Variants in SHTN1 observed in about 807,000 individuals in gnomAD.
SHTN1 encodes the protein shootin 1.
In SHTN1, 42 loss-of-function variants were observed where a neutral mutation model predicts 83.1. The observed-to-expected ratio is 0.51, with a 90% CI of 0.39 to 0.65. SHTN1 has a LOEUF of 0.65. Among genes scored for constraint, SHTN1 ranks in the 30% least tolerant of loss-of-function variants. SHTN1 has a pLI of 0.00. For missense variants in SHTN1, 622 were observed against 737.8 expected (o/e 0.84, Z 1.82); for synonymous variants, 224 against 247.7 (o/e 0.90, Z 0.90).
chr10:116,908,659 A>G lies in SHTN1; in HGVS notation c.1360-1912T>C, dbSNP rs905675445. Among the ~76,000 whole-genome samples the G allele has an allele frequency of 6.6e-5, 10 of 152,354 alleles. No homozygotes were observed. In the East Asian group the frequency reaches 1.9e-3, roughly 29 times the overall value. On this transcript the variant is annotated intron_variant, in intron 14 of 16. Transcript: ENST00000355371. The stretch of plus-strand genomic sequence containing the variant: ...TAGTTTTTCTCAATGGCTTGATTTA[A>G]TTCAAGGAAAACTTATGTGTGTGTT...
At chr10:116,967,101 T>C (rs1274921967) in intron 3 of SHTN1, among the ~76,000 whole-genome samples, 1 of 152,210 alleles carries the variant, frequency 6.6e-6, no homozygotes, top group Non-Finnish European at 1.5e-5. Context: ...AAATCAACTC[T>C]TTATAAATAA....
intron 16 of SHTN1, chr10:116,900,798 A>T (rs1051896947): frequency 4.1e-6 from 4 of 985,422 alleles, no homozygotes; most frequent in African/African-American, 3.5e-5. Context: ...ATGTGCTTTT[A>T]AACACAGTGA....
intron 1 of SHTN1, among the ~76,000 whole-genome samples, chr10:116,995,847 A>C (rs563334560): frequency 1.3e-5 from 2 of 152,250 alleles, no homozygotes; most frequent in East Asian, 3.9e-4. Flanking sequence ...TTATAGGGTA[A>C]AGAATGTCAC....
intron 9 of SHTN1, among the ~76,000 whole-genome samples, chr10:116,931,320 C>CTCACTGCAAACTTCGCCTCCTGGGT (rs1848956691): frequency 1.3e-5 from 2 of 152,066 alleles, no homozygotes; most frequent in Non-Finnish European, 2.9e-5. Flanking sequence ...GCGATCTGGG[C>CTCACTGCAAACTTCGCCTCCTGGGT]TCACTGCAAA....
At chr10:116,956,200 C>T (rs1329887406) in intron 4 of SHTN1, among the ~76,000 whole-genome samples, 13 of 152,182 alleles carry the variant, frequency 8.5e-5, no homozygotes, top group Non-Finnish European at 1.6e-4. Context: ...AATGCTTAGG[C>T]GCTATGCCAT....
intron 1 of SHTN1, among the ~76,000 whole-genome samples, chr10:116,979,968 T>C (rs1589864231): frequency 1.3e-5 from 2 of 152,162 alleles, no homozygotes; most frequent in African/African-American, 4.8e-5. Flanking sequence ...AAATTCAGAC[T>C]CATTTCACTA....
Position 116,977,836 on chromosome 10 carries a change from G to A in SHTN1, c.111+1420C>T, listed in dbSNP as rs1226848849. ...ACTACAGGTGCATGCCACCATGACC[G>A]ATTAATTTTTTAACTTTTTTGTAAA... is the stretch of plus-strand genomic sequence containing the variant. On this transcript the variant is annotated intron_variant, in intron 2 of 16. Coordinates refer to ENST00000355371, the MANE Select transcript of SHTN1 (RefSeq NM_001127211.3). Among the ~76,000 whole-genome samples the A allele has an allele frequency of 2.6e-5, 4 of 152,002 alleles. No homozygotes were observed. In the South Asian group the frequency reaches 6.2e-4, roughly 24 times the overall value.
intron 1 of SHTN1, among the ~76,000 whole-genome samples, chr10:117,098,824 T>C (rs1853545160): frequency 6.6e-6 from 1 of 152,144 alleles, no homozygotes; most frequent in South Asian, 2.1e-4. Flanking sequence ...ACAATTTGTG[T>C]TCCATCACGC....
chr10:117,105,431 AATTCTT>A (rs1466054273), intron 1 of SHTN1, among the ~76,000 whole-genome samples: 1 of 152,212 alleles, frequency 6.6e-6, no homozygotes, highest in Non-Finnish European at 1.5e-5. Context: ...GCAGATTAGG[AATTCTT>A]ATTCTTATGT....
At chr10:116,992,797 C>G (rs1412181729) in intron 1 of SHTN1, among the ~76,000 whole-genome samples, 7 of 152,014 alleles carry the variant, frequency 4.6e-5, no homozygotes, top group Non-Finnish European at 8.8e-5. Context: ...TTGAAGATCT[C>G]TATGGTCAGA....
rs116901378 is a variant in SHTN1 at position 116,953,030 on chromosome 10, G to T, written c.436+1012C>A. On this transcript the variant is annotated intron_variant, in intron 5 of 16. Transcript: ENST00000355371. ...TCCCTACCAACATGAATTCTATTTTGTGTTAGCTTGAGGGGTTGAAGAGTA... is the reference window on the plus strand; with the variant it reads ...TCCCTACCAACATGAATTCTATTTTTTGTTAGCTTGAGGGGTTGAAGAGTA... Among the ~76,000 whole-genome samples, 619 of 152,270 alleles carry T rather than the reference G, an allele frequency of 4.1e-3. 2 individuals carry two copies. Among genetic ancestry groups the T allele is most frequent in the Non-Finnish European group, 6.9e-3 (468 of 68,010 alleles).
chr10:116,900,182 A>T, intron 16 of SHTN1: 1 of 203,550 alleles, frequency 4.9e-6, no homozygotes, highest in Non-Finnish European at 9.9e-6. Flanking sequence ...TTAGCTAAAG[A>T]ATGTCAAGAA....
At position 116,901,877 on chromosome 10, in the gene SHTN1, A is replaced by C; in HGVS notation, c.1561T>G (p.Leu521Val). 1 of 1,608,436 alleles carries C rather than the reference A, an allele frequency of 6.2e-7. No homozygotes were observed. Among genetic ancestry groups the C allele is most frequent in the Non-Finnish European group, 8.5e-7 (1 of 1,178,394 alleles). ...TCTGCCTCCAGAGTTTTCTTGTTCA[A>C]GGCTGTTTTTGTTACACTGGATACA... ...GSVSSVTKTALNKKTLEAEFN... is the reference protein window; with the variant it reads ...GSVSSVTKTAVNKKTLEAEFN... The change falls in exon 16 of 17, where the codon TTG becomes GTG. Residue 521 changes from leucine to valine, a missense_variant. Around this residue, in one of 3 missense-constraint regions of SHTN1, gnomAD observed 231 missense variants for 251.6 expected, o/e 0.92. Transcript: ENST00000355371.
intron 16 of SHTN1, among the ~76,000 whole-genome samples, chr10:116,892,955 A>C (rs188360491): frequency 1.2e-3 from 185 of 152,370 alleles, no homozygotes; most frequent in Non-Finnish European, 2.1e-3. Flanking sequence ...TATTTTATAC[A>C]AAGTCTCTTA....
intron 2 of SHTN1, chr10:117,023,625 C>T (rs1371747935): frequency 6.6e-6 from 1 of 152,544 alleles, no homozygotes. Flanking sequence ...AAATTTTTGC[C>T]GTCTTCCTAT....
At chr10:117,120,574 C>T (rs1853908563) in intron 1 of SHTN1, among the ~76,000 whole-genome samples, 1 of 151,894 alleles carries the variant, frequency 6.6e-6, no homozygotes. Flanking sequence ...ACATATTGCA[C>T]GCCTATATCA....
chr10:116,979,790 T>C (rs1293886848), intron 1 of SHTN1, among the ~76,000 whole-genome samples: 1 of 152,244 alleles, frequency 6.6e-6, no homozygotes, highest in African/African-American at 2.4e-5. Flanking sequence ...ACTATTAGTC[T>C]GTGGTATTGT....
At chr10:116,917,284 GGA>G (rs1376854630) in intron 12 of SHTN1, among the ~76,000 whole-genome samples, 1 of 152,092 alleles carries the variant, frequency 6.6e-6, no homozygotes, top group African/African-American at 2.4e-5. Context: ...TATCGGTATG[GGA>G]TTTATTCCTG....
upstream of SHTN1, among the ~76,000 whole-genome samples, chr10:117,008,273 CAAG>C (rs1242718348): frequency 6.6e-5 from 10 of 151,788 alleles, no homozygotes; most frequent in Non-Finnish European, 1.3e-4. Context: ...GTGCAGTGGT[CAAG>C]AAGGAGTTTC....
Sources: allele counts gnomAD v4.1 joint callset (sites outside exome capture counted in the v4.1 genomes callset), GRCh38; gene constraint gnomAD v4.1.1; regional missense constraint gnomAD v4.1.1; transcripts MANE v1.5; gene names NCBI Gene and HGNC (gene_info 2026-07-23, HGNC 2026-07-21).